YEATS4: variants seen among roughly 807,000 people sequenced by gnomAD.
YEATS4 encodes YEATS domain containing 4.
A neutral mutation model predicts 30.1 loss-of-function variants in YEATS4; 17 were observed. The observed-to-expected ratio is 0.56, with a 90% CI of 0.39 to 0.85. YEATS4 has a LOEUF of 0.85. YEATS4 is among the 40% of genes least tolerant of loss of function. YEATS4 has a pLI of 0.00. For synonymous variants in YEATS4, 85 were observed against 87.5 expected (o/e 0.97, Z 0.16); for missense variants, 142 against 268.3 (o/e 0.53, Z 3.29).
At chr12:69,416,135 G>T in the YEATS4 span, among the ~76,000 whole-genome samples, 1 of 152,158 alleles carries the variant, frequency 6.6e-6, no homozygotes, top group Admixed American at 6.5e-5. Flanking sequence ...GAACTGCTGT[G>T]CATTCCAACT....
intron 6 of YEATS4, among the ~76,000 whole-genome samples, chr12:69,374,855 G>A (rs549534268): frequency 1.6e-4 from 25 of 152,070 alleles, no homozygotes; most frequent in Middle Eastern, 3.4e-3. Flanking sequence ...CGACAAAACC[G>A]CCATCGTCAT....
intron 4 of YEATS4, among the ~76,000 whole-genome samples, chr12:69,366,908 T>G (rs553489301): frequency 1.2e-4 from 19 of 152,348 alleles, no homozygotes; most frequent in African/African-American, 4.1e-4. Flanking sequence ...GAGGTGCTTT[T>G]TAAAAATTCA....
At chr12:69,422,227 T>A in the YEATS4 span, among the ~76,000 whole-genome samples, 1 of 152,234 alleles carries the variant, frequency 6.6e-6, no homozygotes, top group African/African-American at 2.4e-5. Flanking sequence ...GTGTTGAGAA[T>A]GAGGGTCAAA....
the YEATS4 span, among the ~76,000 whole-genome samples, chr12:69,404,466 G>T: frequency 6.6e-6 from 1 of 152,160 alleles, no homozygotes; most frequent in Non-Finnish European, 1.5e-5. Context: ...GTTAGTTATT[G>T]TGGGAGTGGA....
chr12:69,416,969 A>C, the YEATS4 span, among the ~76,000 whole-genome samples: 1 of 151,694 alleles, frequency 6.6e-6, no homozygotes, highest in Non-Finnish European at 1.5e-5. Context: ...GCTATTCGGG[A>C]GGCTGAGGTA....
At chr12:69,365,972 G>T (rs1875413212) in intron 4 of YEATS4, 88 bp downstream of exon 4, 5 of 1,004,778 alleles carry the variant, frequency 5.0e-6, no homozygotes, top group Non-Finnish European at 7.1e-6. Flanking sequence ...TGTTCATTCA[G>T]ATGTGTTTTA....
At chr12:69,370,018 T>C (rs1017439120) in intron 4 of YEATS4, among the ~76,000 whole-genome samples, 1 of 152,206 alleles carries the variant, frequency 6.6e-6, no homozygotes, top group Non-Finnish European at 1.5e-5. Context: ...AGAGTACCAT[T>C]CTCTTACAAT....
chr12:69,373,800 T>C (rs1183035392), intron 6 of YEATS4, among the ~76,000 whole-genome samples: 2 of 152,246 alleles, frequency 1.3e-5, no homozygotes, highest in Admixed American at 1.3e-4. Flanking sequence ...TTGATTTTTG[T>C]ATATGGCGAG....
chr12:69,419,215 C>CTTTT, the YEATS4 span, among the ~76,000 whole-genome samples: 5 of 116,584 alleles, frequency 4.3e-5, no homozygotes, highest in South Asian at 2.7e-4. Flanking sequence ...TCCTATTTTA[C>CTTTT]TTTTTTTTTT....
intron 4 of YEATS4, among the ~76,000 whole-genome samples, chr12:69,368,546 T>C (rs766223550): frequency 6.6e-6 from 1 of 152,202 alleles, no homozygotes; most frequent in Non-Finnish European, 1.5e-5. Flanking sequence ...GTTGTGCACA[T>C]GGTTTTAAGA....
intron 6 of YEATS4, among the ~76,000 whole-genome samples, chr12:69,371,549 C>G (rs1374472425): frequency 6.6e-6 from 1 of 152,194 alleles, no homozygotes; most frequent in Non-Finnish European, 1.5e-5. Context: ...AATATGAAAT[C>G]TATTTGACAT....
the YEATS4 span, chr12:69,401,129 A>T: frequency 6.6e-6 from 1 of 151,962 alleles, no homozygotes; most frequent in Non-Finnish European, 1.5e-5. Context: ...TCCCATGCTG[A>T]TGAGTAGTGG....
intron 6 of YEATS4, among the ~76,000 whole-genome samples, chr12:69,386,283 A>C (rs1868250539): frequency 1.3e-5 from 2 of 152,212 alleles, no homozygotes; most frequent in African/African-American, 4.8e-5. Context: ...AATCTATGTT[A>C]TATCTACAGT....
the YEATS4 span, among the ~76,000 whole-genome samples, chr12:69,411,231 G>A: frequency 6.6e-6 from 1 of 152,174 alleles, no homozygotes; most frequent in Non-Finnish European, 1.5e-5. Context: ...TCTGGCTCAG[G>A]TGATCCTCCC....
the YEATS4 span, among the ~76,000 whole-genome samples, chr12:69,425,850 C>T: frequency 6.3e-3 from 963 of 152,240 alleles, 14 homozygotes; most frequent in African/African-American, 0.021. Context: ...AGCTGTAGCC[C>T]GCTTCCTGAT....
rs1412567007 is a variant in YEATS4, at chr12:69,359,834, GC to G, written c.-136del. On this transcript the variant is annotated 5_prime_UTR_variant, in exon 1 of 7. Coordinates refer to ENST00000247843, the MANE Select transcript of YEATS4 (RefSeq NM_006530.4). Reference sequence around the variant, plus strand: ...AGTTGACGGTTACTCACCGCCGTGAGCCCAAGTAACTCGCCCTCCTTCGGCT... The same window carrying G: ...AGTTGACGGTTACTCACCGCCGTGAGCCAAGTAACTCGCCCTCCTTCGGCT... 3.6e-5 allele frequency: 36 copies of G among 1,002,726 alleles called. No individual in the cohort carries two copies. The South Asian group carries it at 5.0e-4, about 14-fold the overall frequency. The allele number at this position is 1,002,726 out of a possible 1,614,324, so 62.1% of individuals were successfully genotyped here.
At chr12:69,379,695 C>T (rs1222112997) in intron 6 of YEATS4, among the ~76,000 whole-genome samples, 1 of 148,124 alleles carries the variant, frequency 6.8e-6, no homozygotes, top group African/African-American at 2.5e-5. Flanking sequence ...CCCTCCTTGG[C>T]CTCCCAAAGT....
the YEATS4 span, among the ~76,000 whole-genome samples, chr12:69,403,394 T>G: frequency 6.6e-6 from 1 of 151,960 alleles, no homozygotes; most frequent in Non-Finnish European, 1.5e-5. Context: ...CCGGCCAACA[T>G]GGCAAAACCC....
chr12:69,368,208 AAAGACAAGTTGGTTGG>A (rs1255910818), intron 4 of YEATS4, among the ~76,000 whole-genome samples: 1 of 152,228 alleles, frequency 6.6e-6, no homozygotes, highest in Admixed American at 6.5e-5. Flanking sequence ...AATATCTAAG[AAAGACAAGTTGGTTGG>A]AAGACAACTT....
Sources: allele counts gnomAD v4.1 joint callset (sites outside exome capture counted in the v4.1 genomes callset), GRCh38; gene constraint gnomAD v4.1.1; transcripts MANE v1.5; gene names NCBI Gene and HGNC (gene_info 2026-07-23, HGNC 2026-07-21).